VPS13D: variants seen among roughly 807,000 people sequenced by gnomAD.
The protein encoded by VPS13D is vacuolar protein sorting 13 homolog D, also known as intermembrane lipid transfer protein VPS13D.
In VPS13D, 187 loss-of-function variants were observed where a neutral mutation model predicts 461.9. The ratio of observed to expected loss-of-function variants is 0.40; its 90% CI spans 0.36 to 0.46. VPS13D has a LOEUF of 0.46. Among genes scored for constraint, VPS13D ranks in the 20% least tolerant of loss-of-function variants. The pLI is 0.60. For synonymous variants in VPS13D, 1,951 were observed against 1,986.3 expected, an observed-to-expected ratio of 0.98 and a Z score of 0.47; for missense variants, 4,711 against 5,364.9, an observed-to-expected ratio of 0.88 and a Z score of 3.81.
At chr1:12,300,377 T>G (rs1642391232) in intron 25 of VPS13D, among the ~76,000 whole-genome samples, 1 of 151,990 alleles carries the variant, frequency 6.6e-6, no homozygotes, top group African/African-American at 2.4e-5. Flanking sequence ...CCAGCGAGTT[T>G]TTATGTTTTT....
At chr1:12,389,163 T>G (rs977905869) in intron 60 of VPS13D, among the ~76,000 whole-genome samples, 7 of 152,216 alleles carry the variant, frequency 4.6e-5, no homozygotes, top group African/African-American at 1.7e-4. Context: ...TAGGCCTGTC[T>G]CACATGTTTC....
intron 67 of VPS13D, among the ~76,000 whole-genome samples, chr1:12,466,343 G>A (rs1051254063): frequency 6.6e-6 from 1 of 152,124 alleles, no homozygotes; most frequent in African/African-American, 2.4e-5. Flanking sequence ...AGATTCAAAT[G>A]TTTATTAGGA....
intron 47 of VPS13D, among the ~76,000 whole-genome samples, chr1:12,355,189 G>A (rs1643874995): frequency 6.6e-6 from 1 of 152,142 alleles, no homozygotes; most frequent in African/African-American, 2.4e-5. Flanking sequence ...GTTGTTACAG[G>A]TGCATAATCC....
At chr1:12,251,968 C>G (rs1033441504) in intron 6 of VPS13D, among the ~76,000 whole-genome samples, 17 of 152,078 alleles carry the variant, frequency 1.1e-4, no homozygotes, top group Admixed American at 3.3e-4. Flanking sequence ...GAGGGAGAAA[C>G]CGTCCCATGC....
intron 22 of VPS13D, among the ~76,000 whole-genome samples, chr1:12,290,787 CT>C (rs200704779): frequency 6.7e-6 from 1 of 149,932 alleles, no homozygotes. Flanking sequence ...TGCATTGAGA[CT>C]TTTTTTTTCC....
chr1:12,251,097 G>C (rs2101237124), intron 6 of VPS13D, among the ~76,000 whole-genome samples: 1 of 95,188 alleles, frequency 1.1e-5, no homozygotes, highest in South Asian at 4.6e-4. Context: ...AGCCTAAGCT[G>C]TTGACTCTGC....
At chr1:12,256,959 C>T (rs1640942681) in intron 8 of VPS13D, 28 bp from the exon 9 acceptor site, 1 of 1,608,938 alleles carries the variant, frequency 6.2e-7, no homozygotes, top group East Asian at 2.2e-5. Flanking sequence ...CTATTCTAAC[C>T]TAGTATCTCT....
rs142761524 is a variant in VPS13D, at chr1:12,253,859, C to T, written c.669+33C>T. 7.2e-5 allele frequency: 115 copies of T among 1,586,470 alleles called. 1 individual carries two copies. The African/African-American group carries it at 1.2e-3, about 17-fold the overall frequency. The stretch of plus-strand genomic sequence containing the variant: ...TTCGGCAGGGAGATTTGTTGCAAGA[C>T]AGCATGGAAGGGAAGCGGCGTAGGG... On this transcript the variant is annotated intron_variant, in intron 7 of 69. Coordinates refer to ENST00000620676, the MANE Select transcript of VPS13D (RefSeq NM_015378.4).
rs1020164117 is a variant in VPS13D at position 12,473,925 on chromosome 1, G to A, written c.12662+13529G>A. Reference sequence around the variant, plus strand: ...CTCTGAGCCTTTGTGTGTGGGAACCGCACTGGAAAAGGTGTGCAGAGGCCA... The same window carrying A: ...CTCTGAGCCTTTGTGTGTGGGAACCACACTGGAAAAGGTGTGCAGAGGCCA... On this transcript the variant is annotated intron_variant, in intron 67 of 69. Coordinates refer to ENST00000620676, the MANE Select transcript of VPS13D (RefSeq NM_015378.4). This position sits in a 1 kb window ranked among gnomAD's most constrained non-coding sequence, Gnocchi z 4.2. Among the ~76,000 whole-genome samples, 6 of 152,094 alleles carry A rather than the reference G, an allele frequency of 3.9e-5. No homozygotes were observed. The highest frequency in any genetic ancestry group is 1.9e-4 in the East Asian group (1 of 5,188).
rs555384495 is a variant in VPS13D at position 12,474,383 on chromosome 1, T to C, written c.12662+13987T>C. ...AAGGGTTTTAAATTGTAGAATCAGA[T>C]TCCTTTTCAGTGGGGCTCTTGGAAC... On this transcript the variant is annotated intron_variant, in intron 67 of 69. Transcript: ENST00000620676. Among the ~76,000 whole-genome samples, 15 of 152,310 alleles carry C rather than the reference T, an allele frequency of 9.8e-5. No individual in the cohort carries two copies. In the East Asian group the frequency reaches 2.7e-3, roughly 27 times the overall value.
At chr1:12,475,885 G>GT (rs1255651689) in intron 67 of VPS13D, among the ~76,000 whole-genome samples, 1 of 148,952 alleles carries the variant, frequency 6.7e-6, no homozygotes, top group African/African-American at 2.5e-5. Context: ...AGAAATCAAT[G>GT]TTTAAAAAAA....
Position 12,273,089 on chromosome 1 carries a change from G to C in VPS13D, c.2190G>C (p.Val730=), listed in dbSNP as rs1641502671. 6.2e-7 allele frequency: 1 copy of C among 1,614,104 alleles called. No individual in the cohort carries two copies. The highest frequency in any genetic ancestry group is 1.1e-5 in the South Asian group (1 of 91,086). The change falls in exon 18 of 70, where the codon GTG becomes GTC. Residue 730 remains valine (V), a synonymous_variant. Coordinates refer to ENST00000620676, the MANE Select transcript of VPS13D (RefSeq NM_015378.4). ...FPDDFKFKNP[V]LVVVDLGRML... ...ATGATTTCAAATTCAAGAATCCTGT[G>C]TTAGTTGTCGTGGATCTAGGAAGAA...
At chr1:12,358,636 C>T in intron 50 of VPS13D, 35 bp downstream of exon 50, 1 of 1,609,850 alleles carries the variant, frequency 6.2e-7, no homozygotes, top group South Asian at 1.1e-5. Flanking sequence ...ACAATCAGAA[C>T]CATTGGCCGA....
At chr1:12,381,468 A>G (rs1644270627) in intron 57 of VPS13D, among the ~76,000 whole-genome samples, 5 of 152,200 alleles carry the variant, frequency 3.3e-5, no homozygotes, top group Admixed American at 2.6e-4. Flanking sequence ...GTTTTCCTCC[A>G]AAGGCCTTGT....
intron 21 of VPS13D, among the ~76,000 whole-genome samples, chr1:12,287,236 A>T (rs1240901979): frequency 6.6e-6 from 1 of 152,206 alleles, no homozygotes; most frequent in Non-Finnish European, 1.5e-5. Flanking sequence ...GTCAGAAATC[A>T]TACTGCAAGG....
intron 63 of VPS13D, among the ~76,000 whole-genome samples, chr1:12,405,355 A>G (rs78330016): frequency 0.019 from 2,877 of 152,354 alleles, 109 homozygotes; most frequent in Admixed American, 0.099. Context: ...GGGCCTAACA[A>G]AACACATGTG....
intron 9 of VPS13D, 140 bp from the exon 10 acceptor site, chr1:12,257,795 G>A (rs977381484): frequency 1.4e-4 from 145 of 1,029,290 alleles, no homozygotes; most frequent in Non-Finnish European, 3.6e-5. Context: ...ATATTAAGAC[G>A]AACTTAATAT....
At chr1:12,272,236 G>A (rs1641464865) in intron 17 of VPS13D, among the ~76,000 whole-genome samples, 1 of 152,170 alleles carries the variant, frequency 6.6e-6, no homozygotes, top group Admixed American at 6.5e-5. Flanking sequence ...ACATGGAGGT[G>A]CACTGCTACA....
chr1:12,503,844 T>C (rs1483709191), intron 68 of VPS13D, among the ~76,000 whole-genome samples: 1 of 152,106 alleles, frequency 6.6e-6, no homozygotes, highest in Non-Finnish European at 1.5e-5. Flanking sequence ...CAGGAGAGCC[T>C]GGGGTTGAGA....
Sources: allele counts gnomAD v4.1 joint callset (sites outside exome capture counted in the v4.1 genomes callset), GRCh38; gene constraint gnomAD v4.1.1; non-coding constraint Gnocchi (gnomAD v3.1); transcripts MANE v1.5; gene names NCBI Gene and HGNC (gene_info 2026-07-23, HGNC 2026-07-21).